The following ELP3 variants were observed in gnomAD, a reference collection of about 807,000 sequenced individuals.
The protein encoded by ELP3 is elongator complex protein 3.
In ELP3, 56 loss-of-function variants were observed where a neutral mutation model predicts 74.9. The ratio of observed to expected loss-of-function variants is 0.75; its 90% confidence interval spans 0.60 to 0.93. The LOEUF (loss-of-function observed/expected upper bound fraction) is 0.93. ELP3 is among the 40% of genes least tolerant of loss of function. ELP3 has a pLI of 0.00. For missense variants in ELP3, 573 were observed against 686.5 expected (o/e 0.83, Z 1.85); for synonymous variants, 222 against 239.8 (o/e 0.93, Z 0.68).
At chr8:28,096,152 C>G (rs907324868) in intron 1 of ELP3, among the ~76,000 whole-genome samples, 5 of 152,198 alleles carry the variant, frequency 3.3e-5, no homozygotes, top group Admixed American at 3.3e-4. Flanking sequence ...GCCTGATGAT[C>G]TGTCACTGTC....
At chr8:28,092,833 C>G (rs912310811), upstream of ELP3, 20 of 270,416 alleles carry the variant, frequency 7.4e-5, no homozygotes, top group African/African-American at 2.5e-4. Context: ...CCCACTCCCC[C>G]CCATGAGAGA....
At chr8:28,121,197 G>T in intron 7 of ELP3, among the ~76,000 whole-genome samples, 1 of 151,870 alleles carries the variant, frequency 6.6e-6, no homozygotes. Context: ...AATTCTCTTA[G>T]CAATCTTCAT....
intron 7 of ELP3, among the ~76,000 whole-genome samples, chr8:28,115,155 T>G (rs141249067): frequency 1.8e-3 from 276 of 152,160 alleles, no homozygotes; most frequent in Middle Eastern, 3.4e-3. Context: ...AGTTCTGTTT[T>G]GGATGTGTGA....
chr8:28,182,132 G>T (rs576750819), intron 14 of ELP3, among the ~76,000 whole-genome samples: 2 of 152,114 alleles, frequency 1.3e-5, no homozygotes, highest in African/African-American at 4.8e-5. Flanking sequence ...AGAACAGAAG[G>T]CTGCAGTAAC....
intron 8 of ELP3, among the ~76,000 whole-genome samples, chr8:28,130,634 T>C (rs1812753590): frequency 6.6e-6 from 1 of 152,214 alleles, no homozygotes; most frequent in Non-Finnish European, 1.5e-5. Context: ...TGTGGAGTGC[T>C]GTAGCCTTCA....
chr8:28,184,968 C>CA lies in ELP3; in HGVS notation c.1568-4667dup, dbSNP rs200792598. Among the ~76,000 whole-genome samples the CA allele has an allele frequency of 3.8e-3, 487 of 128,782 alleles. 5 individuals carry two copies. Among genetic ancestry groups the CA allele is most frequent in the Middle Eastern group, 8.5e-3 (2 of 236 alleles). The allele number at this position is 128,782 out of a possible 152,430, so 84.5% of individuals were successfully genotyped here. ...GGGTGACAAGAGCAAAACTCCATCT[C>CA]AAAAAAAAAAAAAAGAGAGAGATCT... On this transcript the variant is annotated intron_variant, in intron 14 of 14. Coordinates refer to ENST00000256398, the MANE Select transcript of ELP3 (RefSeq NM_018091.6).
rs922837448 is a variant in ELP3, at chr8:28,189,559, G to C, written c.1568-90G>C. The C allele has an allele frequency of 4.1e-6, 5 of 1,224,332 alleles. No homozygotes were observed. In the African/African-American group the frequency reaches 7.4e-5, roughly 18 times the overall value. The allele number at this position is 1,224,332 out of a possible 1,614,324, so 75.8% of individuals were successfully genotyped here. On this transcript the variant is annotated intron_variant, in intron 14 of 14. Coordinates refer to ENST00000256398, the MANE Select transcript of ELP3 (RefSeq NM_018091.6). ...GTGGGAGAGAATTTGGTCTCTGGGTGGGAGAGAGTGTAAGGCTGAGGGAAG... is the reference window on the plus strand; with the variant it reads ...GTGGGAGAGAATTTGGTCTCTGGGTCGGAGAGAGTGTAAGGCTGAGGGAAG...
At chr8:28,134,468 G>A (rs952191789) in intron 9 of ELP3, among the ~76,000 whole-genome samples, 2 of 152,186 alleles carry the variant, frequency 1.3e-5, no homozygotes, top group Non-Finnish European at 2.9e-5. Context: ...AAGAGTAACA[G>A]AAGGGAGCTA....
chr8:28,189,251 C>T (rs1815362320), intron 14 of ELP3, among the ~76,000 whole-genome samples: 1 of 152,232 alleles, frequency 6.6e-6, no homozygotes, highest in Admixed American at 6.5e-5. Context: ...ATCGTTTGGC[C>T]TCATCTGGAG....
chr8:28,137,933 T>C, intron 10 of ELP3, 42 bp downstream of exon 10: 2 of 1,484,616 alleles, frequency 1.3e-6, no homozygotes, highest in Non-Finnish European at 1.8e-6. Flanking sequence ...TGGTGACTAG[T>C]CTGTTTACTA....
chr8:28,114,510 A>G (rs183143803), intron 7 of ELP3, among the ~76,000 whole-genome samples: 47 of 151,644 alleles, frequency 3.1e-4, no homozygotes, highest in African/African-American at 1.1e-3. Flanking sequence ...GGGTGCAGGG[A>G]GGTGCCACAC....
intron 14 of ELP3, among the ~76,000 whole-genome samples, chr8:28,182,057 T>C (rs1230671374): frequency 6.6e-6 from 1 of 152,214 alleles, no homozygotes; most frequent in Middle Eastern, 3.2e-3. Context: ...TTTTCCCTTT[T>C]AGAGGAAAGG....
intron 14 of ELP3, among the ~76,000 whole-genome samples, chr8:28,185,384 A>G (rs578005838): frequency 6.6e-6 from 1 of 152,252 alleles, no homozygotes; most frequent in South Asian, 2.1e-4. Flanking sequence ...TTCTTTGTAT[A>G]TACACAACAT....
chr8:28,131,707 A>G (rs1352459097), intron 8 of ELP3, among the ~76,000 whole-genome samples: 1 of 152,224 alleles, frequency 6.6e-6, no homozygotes, highest in African/African-American at 2.4e-5. Flanking sequence ...ACGTGACCCC[A>G]AATGACTCTG....
intron 5 of ELP3, among the ~76,000 whole-genome samples, chr8:28,109,103 A>G (rs1158618758): frequency 6.6e-6 from 1 of 152,140 alleles, no homozygotes; most frequent in Non-Finnish European, 1.5e-5. Flanking sequence ...AAAGGTAAGG[A>G]GTTTCCATTT....
chr8:28,119,779 G>A (rs1812294486), intron 7 of ELP3, among the ~76,000 whole-genome samples: 1 of 151,642 alleles, frequency 6.6e-6, no homozygotes, highest in South Asian at 2.1e-4. Flanking sequence ...GCCTCCCAGA[G>A]GCAGCCGTTC....
At chr8:28,144,543 C>G (rs1447155961) in intron 10 of ELP3, among the ~76,000 whole-genome samples, 1 of 152,176 alleles carries the variant, frequency 6.6e-6, no homozygotes, top group Non-Finnish European at 1.5e-5. Flanking sequence ...TCACTTGAGC[C>G]TGGGAGGTTG....
At chr8:28,114,639 C>A (rs1410613970) in intron 7 of ELP3, among the ~76,000 whole-genome samples, 5 of 152,168 alleles carry the variant, frequency 3.3e-5, no homozygotes. Flanking sequence ...ACACCTCCCA[C>A]CAGGCCACAC....
intron 14 of ELP3, among the ~76,000 whole-genome samples, chr8:28,180,322 T>C (rs1321299576): frequency 6.6e-6 from 1 of 152,214 alleles, no homozygotes; most frequent in Admixed American, 6.5e-5. Context: ...CCCACCAACG[T>C]TGCTTTGTTG....
Sources: gnomAD v4.1 joint callset for allele counts (sites outside exome capture counted in the v4.1 genomes callset) on GRCh38, gnomAD v4.1.1 for gene constraint, MANE v1.5 for transcripts, NCBI Gene and HGNC (gene_info 2026-07-23, HGNC 2026-07-21) for gene names.